The following NTM variants were observed in gnomAD, a reference collection of about 807,000 sequenced individuals.
NTM encodes neurotrimin.
Under a neutral mutation model 42.1 loss-of-function variants are expected in NTM, and 13 were observed. The ratio of observed to expected loss-of-function variants is 0.31; its 90% confidence interval spans 0.20 to 0.49. The LOEUF is 0.49. Ranked by LOEUF, NTM falls within the 20% of genes least tolerant of loss-of-function variation. NTM has a pLI of 0.99. For synonymous variants in NTM, 187 were observed against 179.2 expected (o/e 1.04, Z -0.35); for missense variants, 373 against 452.8 (o/e 0.82, Z 1.60).
At chr11:131,959,403 G>A (rs1265309214) in intron 2 of NTM, among the ~76,000 whole-genome samples, 1 of 152,150 alleles carries the variant, frequency 6.6e-6, no homozygotes, top group African/African-American at 2.4e-5. Context: ...CGAGGTGGGA[G>A]GATCACTTGA....
chr11:131,854,140 T>G (rs1369565575), intron 1 of NTM, among the ~76,000 whole-genome samples: 1 of 152,330 alleles, frequency 6.6e-6, no homozygotes, highest in East Asian at 1.9e-4. Context: ...TGAAGTCATC[T>G]TAGAATAAGG....
At chr11:131,746,073 C>T (rs1374026666) in intron 1 of NTM, among the ~76,000 whole-genome samples, 1 of 152,048 alleles carries the variant, frequency 6.6e-6, no homozygotes, top group African/African-American at 2.4e-5. Flanking sequence ...TGGCCATCGT[C>T]CGTCTGTCCA....
intron 2 of NTM, among the ~76,000 whole-genome samples, chr11:131,929,713 C>T (rs372604297): frequency 3.3e-5 from 5 of 152,058 alleles, no homozygotes; most frequent in African/African-American, 9.7e-5. Context: ...CAAAGTAAGA[C>T]GCCACTTCCA....
chr11:132,085,931 G>A (rs1044340056), intron 2 of NTM, among the ~76,000 whole-genome samples: 2 of 152,092 alleles, frequency 1.3e-5, no homozygotes, highest in African/African-American at 2.4e-5. Flanking sequence ...GGAAAGCAGA[G>A]GTCTCTTTCA....
rs56970678 is a variant in NTM, at chr11:131,980,090, G to A, written c.167+68442G>A. Among the ~76,000 whole-genome samples, 30 of 152,224 alleles carry A rather than the reference G, an allele frequency of 2.0e-4. No homozygotes were observed. In the East Asian group the frequency reaches 5.8e-3, roughly 29 times the overall value. On this transcript the variant is annotated intron_variant, in intron 2 of 8. Coordinates refer to ENST00000683400, the MANE Select transcript of NTM (RefSeq NM_001352005.2). ...TTACAATTTTAAGAGTAATTAAAGA[G>A]GAATGAGAACTGTAGGGAAGTGAAG... is the stretch of plus-strand genomic sequence containing the variant.
chr11:131,900,550 T>C (rs561399146), intron 1 of NTM, among the ~76,000 whole-genome samples: 56 of 152,190 alleles, frequency 3.7e-4, no homozygotes, highest in African/African-American at 1.3e-3. Flanking sequence ...AATGAGGAGA[T>C]CTTGGCTTGG....
At chr11:131,839,321 G>A (rs982973255) in intron 1 of NTM, among the ~76,000 whole-genome samples, 1 of 152,174 alleles carries the variant, frequency 6.6e-6, no homozygotes, top group South Asian at 2.1e-4. Context: ...TTAAAGAATT[G>A]GGAGTTTCAG....
intron 4 of NTM, among the ~76,000 whole-genome samples, chr11:132,293,095 G>A (rs1408872224): frequency 6.6e-6 from 1 of 152,166 alleles, no homozygotes; most frequent in Non-Finnish European, 1.5e-5. Flanking sequence ...ACAGAGAATA[G>A]TGGTAGGAGT....
intron 2 of NTM, among the ~76,000 whole-genome samples, chr11:132,007,648 A>G (rs531096870): frequency 1.3e-5 from 2 of 152,322 alleles, no homozygotes; most frequent in African/African-American, 2.4e-5. Flanking sequence ...AAAGAAATCT[A>G]TGGTGAATCC....
At chr11:131,521,018 A>G (rs12279734) in intron 1 of NTM, among the ~76,000 whole-genome samples, 22,848 of 152,108 alleles carry the variant, frequency 0.15, 1,912 homozygotes, top group Middle Eastern at 0.23. Flanking sequence ...AGAAGAAGGA[A>G]GCAAGAGAAA....
chr11:132,264,838 AT>A (rs1274988421), intron 4 of NTM, among the ~76,000 whole-genome samples: 1 of 152,110 alleles, frequency 6.6e-6, no homozygotes, highest in East Asian at 1.9e-4. Flanking sequence ...CTGCTCATGT[AT>A]TTACCTCTGT....
At chr11:132,328,212 G>C (rs912856231) in intron 7 of NTM, among the ~76,000 whole-genome samples, 2 of 152,166 alleles carry the variant, frequency 1.3e-5, no homozygotes, top group African/African-American at 4.8e-5. Context: ...GATGGGTTTA[G>C]AGTATATACG....
At chr11:131,767,929 G>A (rs1452810101) in intron 1 of NTM, among the ~76,000 whole-genome samples, 2 of 152,150 alleles carry the variant, frequency 1.3e-5, no homozygotes, top group Non-Finnish European at 2.9e-5. Flanking sequence ...TAGGACCAAT[G>A]GGATGGGGAG....
chr11:132,314,710 C>T lies in NTM; in HGVS notation c.934+7C>T, dbSNP rs1565458485. The T allele has an allele frequency of 6.2e-7, 1 of 1,609,940 alleles. No individual in the cohort carries two copies. Among genetic ancestry groups the T allele is most frequent in the Non-Finnish European group, 8.5e-7 (1 of 1,178,412 alleles). On this transcript the variant is annotated splice_region_variant and intron_variant, in intron 7 of 8. Coordinates refer to ENST00000683400, the MANE Select transcript of NTM (RefSeq NM_001352005.2). ...GCCAGCATCATGCTATTTGGTGAGA[C>T]TGTGCTCTGAGCTGGGCAAGAAGAG...
At position 132,146,173 on chromosome 11, in the gene NTM, T is replaced by C; in HGVS notation, c.168-109T>C. 1 of 1,476,700 alleles carries C rather than the reference T, an allele frequency of 6.8e-7. No individual in the cohort carries two copies. The highest frequency in any genetic ancestry group is 9.1e-7 in the Non-Finnish European group (1 of 1,100,138). The allele number at this position is 1,476,700 out of a possible 1,614,324, so 91.5% of individuals were successfully genotyped here. A position where few individuals can be genotyped will look rare whatever the true frequency, so the allele number is the denominator to read the frequency against. Reference sequence around the variant, plus strand: ...GACAAATCAAAGGAAATGTATGTGTTGGGGGAAGGGAGAAAGACAAGATAT... The same window carrying C: ...GACAAATCAAAGGAAATGTATGTGTCGGGGGAAGGGAGAAAGACAAGATAT... On this transcript the variant is annotated intron_variant, in intron 2 of 8. Transcript: ENST00000683400. This position sits in a 1 kb window ranked among gnomAD's most constrained non-coding sequence, Gnocchi z 4.5.
intron 1 of NTM, among the ~76,000 whole-genome samples, chr11:131,420,493 G>A (rs1399460629): frequency 2.6e-5 from 4 of 152,190 alleles, no homozygotes; most frequent in South Asian, 2.1e-4. Flanking sequence ...AGGCCACTAC[G>A]TCTGTGGTGA....
At chr11:131,840,327 A>G (rs554872792) in intron 1 of NTM, among the ~76,000 whole-genome samples, 1 of 152,316 alleles carries the variant, frequency 6.6e-6, no homozygotes, top group African/African-American at 2.4e-5. Flanking sequence ...ACTGTACAGG[A>G]AAATCCCTCA....
intron 1 of NTM, among the ~76,000 whole-genome samples, chr11:131,500,588 T>A (rs1449531782): frequency 2.4e-4 from 20 of 83,764 alleles, no homozygotes; most frequent in African/African-American, 5.3e-4. Context: ...TTTTTTTTTT[T>A]TTTTTTTGTA....
chr11:131,876,348 C>T (rs1026118968), intron 1 of NTM, among the ~76,000 whole-genome samples: 6 of 152,174 alleles, frequency 3.9e-5, no homozygotes, highest in African/African-American at 1.2e-4. Context: ...AACAAGCTGC[C>T]GGAGGCCCAC....
Sources: gnomAD v4.1 joint callset for allele counts (sites outside exome capture counted in the v4.1 genomes callset) on GRCh38, gnomAD v4.1.1 for gene constraint, Gnocchi (gnomAD v3.1) non-coding constraint, MANE v1.5 for transcripts, NCBI Gene and HGNC (gene_info 2026-07-23, HGNC 2026-07-21) for gene names.